The following CHD1L variants were observed in gnomAD, a reference collection of about 807,000 sequenced individuals.
The protein encoded by CHD1L is chromodomain helicase DNA binding protein 1 like, also known as ATP-dependent chromatin remodeler CHD1L.
Under a neutral mutation model 115.9 loss-of-function variants are expected in CHD1L, and 118 were observed. The observed-to-expected ratio is 1.02, with a 90% confidence interval of 0.88 to 1.19. The LOEUF (loss-of-function observed/expected upper bound fraction) is 1.19. Among genes scored for constraint, CHD1L ranks in the 50% most tolerant of loss-of-function variants. The probability of loss-of-function intolerance (pLI) is 0.00; values close to 1 mark genes in which losing one functional copy is unlikely to be tolerated. For missense variants in CHD1L, 1,179 were observed against 1,065.3 expected, an observed-to-expected ratio of 1.11 and a Z score of -1.49; for synonymous variants, 411 against 387.1, an observed-to-expected ratio of 1.06 and a Z score of -0.72.
the CHD1L span, among the ~76,000 whole-genome samples, chr1:147,206,657 G>T: frequency 1.3e-5 from 2 of 151,978 alleles, no homozygotes; most frequent in African/African-American, 2.4e-5. Flanking sequence ...GCAAACTATC[G>T]CAAGGACAAA....
At chr1:147,190,008 T>A in the CHD1L span, among the ~76,000 whole-genome samples, 1 of 152,196 alleles carries the variant, frequency 6.6e-6, no homozygotes. Flanking sequence ...ATATTTAGAC[T>A]ACTAGTGCTA....
At chr1:147,196,560 A>G in the CHD1L span, among the ~76,000 whole-genome samples, 1,677 of 152,192 alleles carry the variant, frequency 0.011, 39 homozygotes, top group African/African-American at 0.039. Flanking sequence ...AGGTATATAC[A>G]TCTTAGTCTA....
At chr1:147,173,128 C>T in the CHD1L span, 1 of 152,808 alleles carries the variant, frequency 6.5e-6, no homozygotes, top group African/African-American at 2.4e-5. Context: ...AGGTGAAACC[C>T]CGGCTCTACT....
chr1:147,203,203 G>A, the CHD1L span: 6 of 794,966 alleles, frequency 7.5e-6, no homozygotes, highest in South Asian at 3.8e-5. Flanking sequence ...AGGAGAATAA[G>A]AAAACATCAC....
At chr1:147,215,220 G>A in the CHD1L span, 1 of 152,294 alleles carries the variant, frequency 6.6e-6, no homozygotes, top group Non-Finnish European at 1.5e-5. Context: ...TAACATCTAA[G>A]TTAGTTAGTG....
chr1:147,280,211 A>G lies in CHD1L; in HGVS notation c.1705+20A>G, dbSNP rs782246907. The G allele has an allele frequency of 1.9e-6, 3 of 1,544,604 alleles. No individual in the cohort carries two copies. The Admixed American group carries it at 6.1e-5, about 32-fold the overall frequency. On this transcript the variant is annotated intron_variant, in intron 15 of 22. Transcript: ENST00000369258. ...AAGGAAGTAAGTTGGAGGTTAGAGC[A>G]GAGCAAATGGCACAACCACCCCAAG...
chr1:147,289,335 A>G (rs1451132908), intron 19 of CHD1L, among the ~76,000 whole-genome samples: 1 of 152,168 alleles, frequency 6.6e-6, no homozygotes, highest in Non-Finnish European at 1.5e-5. Flanking sequence ...GACAGAAGGA[A>G]TTGTCAGACA....
At chr1:147,240,686 A>C (rs1664764244), upstream of CHD1L, among the ~76,000 whole-genome samples, 1 of 152,190 alleles carries the variant, frequency 6.6e-6, no homozygotes, top group South Asian at 2.1e-4. Flanking sequence ...TTAGGCCTGG[A>C]GGTGGGACAT....
chr1:147,261,152 C>G (rs1434910021), intron 6 of CHD1L, among the ~76,000 whole-genome samples: 12 of 152,188 alleles, frequency 7.9e-5, no homozygotes, highest in African/African-American at 2.7e-4. Context: ...CCCTCTATCC[C>G]TGGTGTCCTT....
chr1:147,243,642 T>G (rs1372198319), intron 1 of CHD1L, among the ~76,000 whole-genome samples: 1 of 152,152 alleles, frequency 6.6e-6, no homozygotes, highest in Admixed American at 6.5e-5. Context: ...TCCTTACTTA[T>G]AAGTTGGGAA....
At position 147,252,728 on chromosome 1, in the gene CHD1L, C is replaced by G. The variant is rs1553937335; in HGVS notation, c.233C>G (p.Thr78Ser). Residue 78 changes from threonine (T) to serine (S), a missense_variant, in exon 2 of 23, where the codon ACC becomes AGC. Coordinates refer to ENST00000369258, the MANE Select transcript of CHD1L (RefSeq NM_004284.6). The stretch of plus-strand genomic sequence containing the variant: ...GGAGATGAGATGGGCCTGGGGAAGA[C>G]CTGCCAGGTGTGTTACTATGCGACG... ...ILGDEMGLGK[T>S]CQTIALFIYL... The G allele has an allele frequency of 6.2e-7, 1 of 1,613,030 alleles. No individual in the cohort carries two copies. Among genetic ancestry groups the G allele is most frequent in the East Asian group, 2.2e-5 (1 of 44,874 alleles).
the CHD1L span, chr1:147,203,726 G>A: frequency 2.6e-6 from 4 of 1,532,444 alleles, no homozygotes; most frequent in Admixed American, 5.0e-5. Flanking sequence ...TTTATCCCTT[G>A]TAAGAACTTT....
chr1:147,188,767 A>G, the CHD1L span, among the ~76,000 whole-genome samples: 1 of 151,618 alleles, frequency 6.6e-6, no homozygotes, highest in Admixed American at 6.6e-5. Context: ...AGAAGTTAAA[A>G]AAAAAAAAGG....
At chr1:147,220,236 A>G in the CHD1L span, among the ~76,000 whole-genome samples, 1 of 152,246 alleles carries the variant, frequency 6.6e-6, no homozygotes, top group African/African-American at 2.4e-5. Context: ...AGGTATAAAC[A>G]TAACAAAATA....
chr1:147,285,438 C>T lies in CHD1L; in HGVS notation c.1969C>T (p.Leu657Phe), dbSNP rs781880621. ...RQEAAAKRRR[L>F]IEEKKRQKEE... ...AGAAGCAGCTGCCAAGAGAAGGAGACTCATAGAGGAGAAGAAGAGGCAAAA... is the reference window on the plus strand; with the variant it reads ...AGAAGCAGCTGCCAAGAGAAGGAGATTCATAGAGGAGAAGAAGAGGCAAAA... Residue 657 changes from leucine (L) to phenylalanine (F), a missense_variant, in exon 17 of 23, where the codon CTC becomes TTC. By Grantham distance (22) the Leu-to-Phe change is conservative (BLOSUM62 0). Transcript: ENST00000369258. 1.2e-6 allele frequency: 2 copies of T among 1,613,738 alleles called. No homozygotes were observed. Among genetic ancestry groups the T allele is most frequent in the South Asian group, 2.2e-5 (2 of 91,026 alleles).
At chr1:147,276,442 C>T (rs587726285) in intron 14 of CHD1L, among the ~76,000 whole-genome samples, 185 bp downstream of exon 14, 5 of 152,324 alleles carry the variant, frequency 3.3e-5, no homozygotes, top group East Asian at 3.9e-4. Context: ...AGTTCCAAGC[C>T]TCATCACTTC....
chr1:147,259,804 C>A, intron 5 of CHD1L, 33 bp from the exon 6 acceptor site: 1 of 1,567,560 alleles, frequency 6.4e-7, no homozygotes, highest in Non-Finnish European at 8.8e-7. Context: ...GTTTAAATTA[C>A]ACAAAACTGA....
At chr1:147,284,631 GTTA>G in intron 16 of CHD1L, 132 bp downstream of exon 16, 1 of 813,236 alleles carries the variant, frequency 1.2e-6, no homozygotes, top group Non-Finnish European at 1.8e-6. Flanking sequence ...TTGCTGAAAT[GTTA>G]TTATAATTAA....
chr1:147,179,104 G>A, the CHD1L span: 1 of 1,613,924 alleles, frequency 6.2e-7, no homozygotes, highest in East Asian at 2.2e-5. Context: ...TATCAGAACT[G>A]CTAAAGGAGA....
Sources: allele counts gnomAD v4.1 joint callset (sites outside exome capture counted in the v4.1 genomes callset), GRCh38; gene constraint gnomAD v4.1.1; transcripts MANE v1.5; gene names NCBI Gene and HGNC (gene_info 2026-07-23, HGNC 2026-07-21).